The following TRIM14 variants were observed in gnomAD, a reference collection of about 807,000 sequenced individuals.
TRIM14 encodes the protein tripartite motif containing 14.
In TRIM14, 28 loss-of-function variants were observed where a neutral mutation model predicts 44.5. The observed-to-expected ratio is 0.63, with a 90% CI of 0.47 to 0.86. TRIM14 has a LOEUF of 0.86. TRIM14 is among the 40% of genes least tolerant of loss of function. The probability of loss-of-function intolerance (pLI) is 0.00; values close to 1 mark genes in which losing one functional copy is unlikely to be tolerated. For missense variants in TRIM14, 607 were observed against 611.1 expected, an observed-to-expected ratio of 0.99 and a Z score of 0.07; for synonymous variants, 299 against 269.2, an observed-to-expected ratio of 1.11 and a Z score of -1.08.
At chr9:98,113,411 G>A (rs185439410) in intron 1 of TRIM14, among the ~76,000 whole-genome samples, 2 of 152,236 alleles carry the variant, frequency 1.3e-5, no homozygotes, top group Non-Finnish European at 2.9e-5. Flanking sequence ...ATGAAGTTCA[G>A]TGGTGCAATC....
Position 98,088,010 on chromosome 9 carries a change from A to C in TRIM14, c.794-5T>G, listed in dbSNP as rs751074866. ...CCAGCGTGGGCGTGCGCGCGTCTGC[A>C]GGGGGCGAGACAAGGGACGCACCTG... On this transcript the variant is annotated splice_region_variant and splice_polypyrimidine_tract_variant and intron_variant, in intron 5 of 5. Transcript: ENST00000341469. The C allele has an allele frequency of 5.3e-6, 8 of 1,521,568 alleles. No individual in the cohort carries two copies. The African/African-American group carries it at 1.0e-4, about 19-fold the overall frequency. 94.3% of individuals were successfully genotyped at this position (1,521,568 alleles called of 1,614,324 possible). A position where few individuals can be genotyped will look rare whatever the true frequency, so the allele number is the denominator to read the frequency against.
In TRIM14 at chr9:98,095,177, GGA is replaced by G; in HGVS notation, c.538-150_538-149del. 9.7e-7 allele frequency: 1 copy of G among 1,031,408 alleles called. No individual in the cohort carries two copies. The highest frequency in any genetic ancestry group is 1.7e-5 in the South Asian group (1 of 59,688). The allele number at this position is 1,031,408 out of a possible 1,614,324, so 63.9% of individuals were successfully genotyped here. A position where few individuals can be genotyped will look rare whatever the true frequency, so the allele number is the denominator to read the frequency against. On this transcript the variant is annotated intron_variant, in intron 3 of 5. Transcript: ENST00000341469. The surrounding 1 kb of genome is among the most constrained non-coding windows in gnomAD (Gnocchi z 4.1). Reference sequence around the variant, plus strand: ...ATGGTCAGCCCAGGCCATGCCTGCAGGAGCAGAGCCCTGGAGAGACCATACGG... The same window carrying G: ...ATGGTCAGCCCAGGCCATGCCTGCAGGCAGAGCCCTGGAGAGACCATACGG...
chr9:98,092,033 G>C, intron 4 of TRIM14, 32 bp from the exon 5 acceptor site: 1 of 1,542,128 alleles, frequency 6.5e-7, no homozygotes. Flanking sequence ...TGAGCGCCCG[G>C]AGCTTATGCA....
At chr9:98,114,272 C>T (rs1027866992) in intron 1 of TRIM14, among the ~76,000 whole-genome samples, 1 of 152,142 alleles carries the variant, frequency 6.6e-6, no homozygotes, top group African/African-American at 2.4e-5. Flanking sequence ...ACACAAATAA[C>T]CACATATCCT....
At chr9:98,112,844 T>A (rs4743165) in intron 1 of TRIM14, among the ~76,000 whole-genome samples, 1 of 140,958 alleles carries the variant, frequency 7.1e-6, no homozygotes, top group Non-Finnish European at 1.5e-5. Context: ...CCAGGCGCGG[T>A]GGTTCATGGC....
At chr9:98,082,794 G>A (rs1315916236), downstream of TRIM14, 5 of 1,553,584 alleles carry the variant, frequency 3.2e-6, no homozygotes, top group Non-Finnish European at 2.6e-6. Flanking sequence ...GTAAAGTAGT[G>A]TGCACTAGTT....
chr9:98,118,634 G>A (rs1224781119), intron 1 of TRIM14, among the ~76,000 whole-genome samples: 2 of 152,208 alleles, frequency 1.3e-5, no homozygotes, highest in African/African-American at 4.8e-5. Flanking sequence ...TTGTACCTCT[G>A]TTAACTAAAA....
At chr9:98,112,324 T>A (rs1038188258) in intron 1 of TRIM14, among the ~76,000 whole-genome samples, 15 of 152,158 alleles carry the variant, frequency 9.9e-5, no homozygotes, top group African/African-American at 3.6e-4. Flanking sequence ...TTCTTTTGCA[T>A]GAGAGAGAAC....
intron 4 of TRIM14, among the ~76,000 whole-genome samples, chr9:98,094,547 C>A (rs1163668676): frequency 1.3e-5 from 2 of 152,320 alleles, no homozygotes; most frequent in African/African-American, 4.8e-5. Context: ...TTGGCCCCAG[C>A]CAGAGGAAGA....
chr9:98,100,129 C>T lies in TRIM14; in HGVS notation c.339G>A (p.Gly113=), dbSNP rs1457024172. 1 of 1,614,056 alleles carries T rather than the reference C, an allele frequency of 6.2e-7. No individual in the cohort carries two copies. Among genetic ancestry groups the T allele is most frequent in the African/African-American group, 1.3e-5 (1 of 74,906 alleles). Residue 113 remains glycine, a synonymous_variant, in exon 3 of 6, where the codon GGG becomes GGA. Transcript: ENST00000341469. ...GTAGTAATCTGAGTTCAGTGAATTT[C>T]CCCTTCAGCCAGGTTTTACTTGACT... ...NAESSKTWLK[G]KFTELRLLLD...
At chr9:98,038,462 T>C in the TRIM14 span, among the ~76,000 whole-genome samples, 1 of 152,168 alleles carries the variant, frequency 6.6e-6, no homozygotes, top group Non-Finnish European at 1.5e-5. Flanking sequence ...AATCCAAGAA[T>C]AAGAGTGGAA....
At chr9:98,070,242 C>G in intron 6 of TRIM14, among the ~76,000 whole-genome samples, 1 of 152,144 alleles carries the variant, frequency 6.6e-6, no homozygotes, top group Non-Finnish European at 1.5e-5. Context: ...TTCAGCCTCC[C>G]AAGTAGCTGG....
At chr9:98,062,211 A>C in the TRIM14 span, among the ~76,000 whole-genome samples, 2 of 121,328 alleles carry the variant, frequency 1.6e-5, no homozygotes, top group Non-Finnish European at 3.8e-5. Flanking sequence ...GTCTCTTAAT[A>C]AAAAAAAAAA....
At chr9:98,080,752 C>T (rs1587930883), downstream of TRIM14, 2 of 1,512,480 alleles carry the variant, frequency 1.3e-6, no homozygotes, top group East Asian at 4.6e-5. Flanking sequence ...AGATACGCTT[C>T]ACCTGGAGAA....
chr9:98,061,084 C>G, the TRIM14 span: 137 of 1,256,214 alleles, frequency 1.1e-4, no homozygotes, highest in African/African-American at 1.9e-3. Context: ...AGGGCCACCT[C>G]CAGCCCTTGC....
At chr9:98,075,420 G>A (rs1474830029) in intron 6 of TRIM14, 1 of 148,672 alleles carries the variant, frequency 6.7e-6, no homozygotes, top group Non-Finnish European at 1.5e-5. Flanking sequence ...GAAAGGGAGA[G>A]AGGGAGGGAA....
chr9:98,090,022 C>A (rs1373318814), intron 5 of TRIM14, among the ~76,000 whole-genome samples: 2 of 152,190 alleles, frequency 1.3e-5, no homozygotes, highest in Non-Finnish European at 2.9e-5. Flanking sequence ...TTTTGATTCA[C>A]ATATGTATGC....
chr9:98,079,733 G>C (rs1225294747), downstream of TRIM14, among the ~76,000 whole-genome samples: 1 of 152,156 alleles, frequency 6.6e-6, no homozygotes, highest in African/African-American at 2.4e-5. Flanking sequence ...CCCCACTCAA[G>C]GTGCTGTCAT....
intron 1 of TRIM14, among the ~76,000 whole-genome samples, chr9:98,115,381 G>C (rs1052326676): frequency 6.6e-6 from 1 of 152,230 alleles, no homozygotes; most frequent in African/African-American, 2.4e-5. Flanking sequence ...CTCCCGAGTA[G>C]CTGGGATTAC....
Sources: gnomAD v4.1 joint callset for allele counts (sites outside exome capture counted in the v4.1 genomes callset) on GRCh38, gnomAD v4.1.1 for gene constraint, Gnocchi (gnomAD v3.1) non-coding constraint, MANE v1.5 for transcripts, NCBI Gene and HGNC (gene_info 2026-07-23, HGNC 2026-07-21) for gene names.